The following FAM135B variants were observed in gnomAD, a reference collection of about 807,000 sequenced individuals.
FAM135B encodes the protein protein FAM135B.
FAM135B carries 43 observed loss-of-function variants against 127.7 expected under a neutral mutation model. The ratio of observed to expected loss-of-function variants is 0.34; its 90% CI spans 0.26 to 0.43. The LOEUF is 0.43. FAM135B is among the 20% of genes least tolerant of loss of function. FAM135B has a pLI of 1.00. For synonymous variants in FAM135B, 670 were observed against 665.1 expected, an observed-to-expected ratio of 1.01 and a Z score of -0.11; for missense variants, 1,558 against 1,725.6, an observed-to-expected ratio of 0.90 and a Z score of 1.72.
In FAM135B at chr8:138,152,333, C is replaced by G. The variant is rs1386712988; in HGVS notation, c.2142G>C (p.Leu714Phe). ...ALELPSDREV[L>F]HPFVRRHALH... Reference sequence around the variant, plus strand: ...GGGCATGTCTTCGAACAAACGGGTGCAAGACTTCCCGATCACTGGGCAACT... The same window carrying G: ...GGGCATGTCTTCGAACAAACGGGTGGAAGACTTCCCGATCACTGGGCAACT... Residue 714 changes from leucine to phenylalanine, a missense_variant, in exon 13 of 20, where the codon TTG becomes TTC. Leu to Phe is a conservative substitution (Grantham distance 22). This residue lies in a region of FAM135B where 923 missense variants were observed against 865.3 expected (regional missense o/e 1.07). Coordinates refer to ENST00000395297, the MANE Select transcript of FAM135B (RefSeq NM_015912.4). 4 of 1,614,148 alleles carry G rather than the reference C, an allele frequency of 2.5e-6. No homozygotes were observed. Among genetic ancestry groups the G allele is most frequent in the Non-Finnish European group, 3.4e-6 (4 of 1,180,036 alleles).
chr8:138,347,973 G>A (rs944126525), intron 2 of FAM135B, among the ~76,000 whole-genome samples: 3 of 151,944 alleles, frequency 2.0e-5, no homozygotes, highest in African/African-American at 7.3e-5. Flanking sequence ...CACAGTAAAT[G>A]TTCAGTGACT....
intron 2 of FAM135B, among the ~76,000 whole-genome samples, chr8:138,350,388 C>T (rs899703698): frequency 6.6e-6 from 1 of 152,086 alleles, no homozygotes; most frequent in African/African-American, 2.4e-5. Flanking sequence ...GACAATTTTG[C>T]AAATCAATCC....
intron 2 of FAM135B, among the ~76,000 whole-genome samples, chr8:138,337,555 T>C (rs1477101713): frequency 2.6e-5 from 4 of 151,996 alleles, no homozygotes; most frequent in Non-Finnish European, 1.5e-5. Context: ...TTACAAGGGA[T>C]GTGAAGGATC....
chr8:138,458,398 GAAGT>G (rs371504754), intron 1 of FAM135B, among the ~76,000 whole-genome samples: 13 of 152,330 alleles, frequency 8.5e-5, no homozygotes, highest in Middle Eastern at 3.4e-3. Flanking sequence ...ATGGAGATCT[GAAGT>G]AAGGTGGGAA....
At position 138,152,058 on chromosome 8, in the gene FAM135B, T is replaced by C; in HGVS notation, c.2417A>G (p.Gln806Arg). The C allele has an allele frequency of 6.2e-7, 1 of 1,614,010 alleles. No individual in the cohort carries two copies. ...AEPSDMHSKS[Q>R]GSPGSCSQLC... is the part of the protein sequence containing the mutation. ...TTGAGAGCAAGATCCTGGGGAACCT[T>C]GGCTCTTGCTGTGCATATCTGAAGG... Residue 806 changes from glutamine to arginine, a missense_variant, in exon 13 of 20, where the codon CAA becomes CGA. By Grantham distance (43) the Gln-to-Arg change is conservative. Transcript: ENST00000395297.
intron 3 of FAM135B, among the ~76,000 whole-genome samples, chr8:138,288,439 G>A (rs1824863174): frequency 6.6e-6 from 1 of 152,144 alleles, no homozygotes; most frequent in Admixed American, 6.6e-5. Flanking sequence ...TCAGAGCTAG[G>A]GAAGCCCTTC....
chr8:138,420,998 A>G (rs1834468964), intron 1 of FAM135B, among the ~76,000 whole-genome samples: 3 of 152,200 alleles, frequency 2.0e-5, no homozygotes, highest in Admixed American at 2.0e-4. Context: ...AGCCAGAGCA[A>G]TAAGGCAAGA....
chr8:138,319,865 G>T (rs2130938071), intron 2 of FAM135B, among the ~76,000 whole-genome samples: 1 of 152,246 alleles, frequency 6.6e-6, no homozygotes, highest in South Asian at 2.1e-4. Flanking sequence ...AACTTCATGG[G>T]TATACTCAAT....
chr8:138,330,233 G>A (rs981228444), intron 2 of FAM135B, among the ~76,000 whole-genome samples: 13 of 152,096 alleles, frequency 8.5e-5, no homozygotes, highest in Admixed American at 2.0e-4. Context: ...TCAAAGTGTC[G>A]TGAGTTCAAA....
chr8:138,444,086 A>G (rs1245452342), intron 1 of FAM135B, among the ~76,000 whole-genome samples: 2 of 152,228 alleles, frequency 1.3e-5, no homozygotes. Flanking sequence ...GGATCAATTC[A>G]ACAGGAAGAG....
intron 1 of FAM135B, among the ~76,000 whole-genome samples, chr8:138,473,487 T>C (rs1177270215): frequency 6.6e-6 from 1 of 152,146 alleles, no homozygotes. Context: ...CACGGAAATA[T>C]ATACCTCAGA....
At chr8:138,199,910 G>A (rs896116499) in intron 7 of FAM135B, among the ~76,000 whole-genome samples, 7 of 152,162 alleles carry the variant, frequency 4.6e-5, no homozygotes, top group Admixed American at 2.0e-4. Flanking sequence ...ATTACAGTTC[G>A]AGATCAGATG....
intron 3 of FAM135B, among the ~76,000 whole-genome samples, chr8:138,275,755 G>A (rs12545802): frequency 0.54 from 81,443 of 151,890 alleles, 22,374 homozygotes; most frequent in African/African-American, 0.64. Context: ...CCCTCCTGGC[G>A]CTTAGAATGA....
At chr8:138,215,607 A>C (rs900532726) in intron 7 of FAM135B, among the ~76,000 whole-genome samples, 2 of 152,246 alleles carry the variant, frequency 1.3e-5, no homozygotes, top group African/African-American at 4.8e-5. Flanking sequence ...AGCAAGTTGC[A>C]GAGGCGTTAT....
chr8:138,245,710 C>T (rs1309206179), intron 6 of FAM135B, among the ~76,000 whole-genome samples: 1 of 152,110 alleles, frequency 6.6e-6, no homozygotes, highest in Non-Finnish European at 1.5e-5. Flanking sequence ...TGGGGTGTTG[C>T]TATAAGGACA....
intron 7 of FAM135B, among the ~76,000 whole-genome samples, chr8:138,232,242 C>A (rs1819958072): frequency 7.0e-6 from 1 of 141,860 alleles, no homozygotes; most frequent in East Asian, 1.9e-4. Flanking sequence ...GCACCAAGGA[C>A]ATAGTGGGGG....
At chr8:138,367,845 C>T (rs1051516717) in intron 2 of FAM135B, 62 bp downstream of exon 2, 51 of 1,278,230 alleles carry the variant, frequency 4.0e-5, no homozygotes, top group African/African-American at 2.8e-4. Flanking sequence ...CCTTCTTCCA[C>T]GGAAAGAAAC....
At chr8:138,385,170 G>A (rs576677378) in intron 1 of FAM135B, among the ~76,000 whole-genome samples, 2 of 152,226 alleles carry the variant, frequency 1.3e-5, no homozygotes, top group South Asian at 4.2e-4. Context: ...ACTGCTCAGA[G>A]CTGCTCCTCA....
chr8:138,236,052 T>C (rs1327683256), intron 7 of FAM135B, among the ~76,000 whole-genome samples: 2 of 152,078 alleles, frequency 1.3e-5, no homozygotes, highest in African/African-American at 4.8e-5. Context: ...AACAGGTCTG[T>C]TGGGAAAGTC....
Sources: allele counts gnomAD v4.1 joint callset (sites outside exome capture counted in the v4.1 genomes callset), GRCh38; gene constraint gnomAD v4.1.1; regional missense constraint gnomAD v4.1.1; transcripts MANE v1.5; gene names NCBI Gene and HGNC (gene_info 2026-07-23, HGNC 2026-07-21).